KCNH8: variants seen among roughly 807,000 people sequenced by gnomAD.
KCNH8 encodes the protein potassium voltage-gated channel subfamily H member 8, also known as voltage-gated delayed rectifier potassium channel KCNH8.
A neutral mutation model predicts 103.6 loss-of-function variants in KCNH8; 70 were observed. That is an observed-to-expected ratio of 0.68 (90% CI 0.56 to 0.82). KCNH8 has a LOEUF of 0.82. KCNH8 is among the 40% of genes least tolerant of loss of function. The pLI, the probability that KCNH8 is intolerant of heterozygous loss-of-function variation, is 0.00. For missense variants in KCNH8, 1,217 were observed against 1,329.9 expected, an observed-to-expected ratio of 0.92 and a Z score of 1.32; for synonymous variants, 498 against 489.4, an observed-to-expected ratio of 1.02 and a Z score of -0.23.
intron 3 of KCNH8, among the ~76,000 whole-genome samples, chr3:19,331,806 ACT>A (rs1341283166): frequency 1.3e-5 from 2 of 152,054 alleles, no homozygotes; most frequent in African/African-American, 4.8e-5. Context: ...GATTGTAATC[ACT>A]CTGTTGTGCT....
chr3:19,490,089 C>T (rs556423405), intron 11 of KCNH8, among the ~76,000 whole-genome samples: 16 of 152,346 alleles, frequency 1.1e-4, no homozygotes, highest in Non-Finnish European at 4.4e-5. Flanking sequence ...AATGCCTACC[C>T]GAGAGTGCTC....
In KCNH8 at chr3:19,323,138, G is replaced by A. The variant is rs536496077; in HGVS notation, c.443-19449G>A. ...ATTGGATTTTACCTTTCTTTGGTGC[G>A]TCCATGATTGGCTTAATAATTGGCT... On this transcript the variant is annotated intron_variant, in intron 3 of 15. Coordinates refer to ENST00000328405, the MANE Select transcript of KCNH8 (RefSeq NM_144633.3). Among the ~76,000 whole-genome samples the A allele has an allele frequency of 1.6e-4, 24 of 151,764 alleles. No individual in the cohort carries two copies. In the East Asian group the frequency reaches 2.9e-3, roughly 18 times the overall value.
At chr3:19,400,264 A>T (rs114034856) in intron 7 of KCNH8, among the ~76,000 whole-genome samples, 1 of 148,794 alleles carries the variant, frequency 6.7e-6, no homozygotes, top group African/African-American at 2.5e-5. Flanking sequence ...AAGCATCATA[A>T]TGTCAGACAG....
At chr3:19,365,269 G>C (rs1388377041) in intron 5 of KCNH8, among the ~76,000 whole-genome samples, 1 of 152,044 alleles carries the variant, frequency 6.6e-6, no homozygotes, top group African/African-American at 2.4e-5. Flanking sequence ...ACAAATGTCT[G>C]TCAATTACAG....
chr3:19,503,558 G>C (rs1441886335), intron 11 of KCNH8, among the ~76,000 whole-genome samples: 1 of 152,082 alleles, frequency 6.6e-6, no homozygotes, highest in Admixed American at 6.5e-5. Flanking sequence ...ACTGGATTAA[G>C]AAAATGTGGC....
At chr3:19,462,738 T>A (rs898492718) in intron 11 of KCNH8, among the ~76,000 whole-genome samples, 3 of 152,230 alleles carry the variant, frequency 2.0e-5, no homozygotes, top group Admixed American at 1.3e-4. Context: ...CTGAATGGTA[T>A]TCCCTAGGTT....
At chr3:19,195,129 A>G (rs993971721) in intron 1 of KCNH8, among the ~76,000 whole-genome samples, 1 of 151,766 alleles carries the variant, frequency 6.6e-6, no homozygotes, top group African/African-American at 2.4e-5. Flanking sequence ...GTATAGGAAC[A>G]CTTGAAAAAA....
chr3:19,169,925 C>T (rs2063324788), intron 1 of KCNH8, among the ~76,000 whole-genome samples: 1 of 151,998 alleles, frequency 6.6e-6, no homozygotes, highest in Admixed American at 6.5e-5. Flanking sequence ...AGATTACATT[C>T]AATACTTTGT....
At chr3:19,180,685 G>T (rs940978370) in intron 1 of KCNH8, among the ~76,000 whole-genome samples, 13 of 151,494 alleles carry the variant, frequency 8.6e-5, no homozygotes, top group East Asian at 3.9e-4. Flanking sequence ...GGTTTTTTTT[G>T]TTTGTTTGTT....
intron 4 of KCNH8, among the ~76,000 whole-genome samples, chr3:19,343,173 A>G (rs1358770264): frequency 6.6e-5 from 10 of 152,132 alleles, no homozygotes; most frequent in Admixed American, 6.6e-4. Context: ...TCCATTAAAA[A>G]ACTTACATTT....
At chr3:19,331,994 A>T (rs532432603) in intron 3 of KCNH8, among the ~76,000 whole-genome samples, 1 of 151,322 alleles carries the variant, frequency 6.6e-6, no homozygotes, top group Non-Finnish European at 1.5e-5. Context: ...GGTAGGAGAA[A>T]TTTTTTTAAG....
chr3:19,317,514 T>A (rs938487244), intron 3 of KCNH8, among the ~76,000 whole-genome samples: 1 of 151,914 alleles, frequency 6.6e-6, no homozygotes, highest in Non-Finnish European at 1.5e-5. Context: ...ACATGCTATT[T>A]AAACCTACTG....
At position 19,456,807 on chromosome 3, in the gene KCNH8, A is replaced by T. The variant is rs2067539753; in HGVS notation, c.1865A>T (p.Asp622Val). 6.2e-7 allele frequency: 1 copy of T among 1,611,774 alleles called. No individual in the cohort carries two copies. The highest frequency in any genetic ancestry group is 8.5e-7 in the Non-Finnish European group (1 of 1,178,376). Residue 622 changes from aspartate (D) to valine (V), a missense_variant, in exon 11 of 16, where the codon GAC (aspartate) becomes GTC (valine). By Grantham distance (152) the Asp-to-Val change is radical. Around this residue, in one of 3 missense-constraint regions of KCNH8, gnomAD observed 415 missense variants for 577.4 expected, o/e 0.72. Transcript: ENST00000328405. ...ATTGGAGCAAATCTATCAATTAAGGACCAAGTGATCAAGACCAATGCAGAT... is the reference window on the plus strand; with the variant it reads ...ATTGGAGCAAATCTATCAATTAAGGTCCAAGTGATCAAGACCAATGCAGAT... Reference protein sequence around the residue: ...DLIGANLSIKDQVIKTNADVK... With the variant: ...DLIGANLSIKVQVIKTNADVK...
intron 3 of KCNH8, among the ~76,000 whole-genome samples, chr3:19,281,892 T>A (rs1033326989): frequency 6.6e-6 from 1 of 152,140 alleles, no homozygotes; most frequent in African/African-American, 2.4e-5. Flanking sequence ...GTCTGAGAAT[T>A]TGTGTTGTTT....
intron 1 of KCNH8, among the ~76,000 whole-genome samples, chr3:19,213,819 T>C (rs1423339994): frequency 6.6e-6 from 1 of 152,190 alleles, no homozygotes; most frequent in Non-Finnish European, 1.5e-5. Flanking sequence ...TTTTTCAGAA[T>C]GGTCCTGGTA....
intron 5 of KCNH8, among the ~76,000 whole-genome samples, chr3:19,382,582 T>C (rs879267278): frequency 3.9e-5 from 6 of 152,166 alleles, no homozygotes; most frequent in Admixed American, 6.5e-5. Flanking sequence ...AATAATACTA[T>C]TAATATGTGA....
chr3:19,220,263 A>T (rs2063859461), intron 1 of KCNH8, among the ~76,000 whole-genome samples: 1 of 152,186 alleles, frequency 6.6e-6, no homozygotes, highest in Non-Finnish European at 1.5e-5. Context: ...ACCCCAGCTG[A>T]AGTACAGTCT....
intron 3 of KCNH8, among the ~76,000 whole-genome samples, chr3:19,315,554 G>A (rs1004079891): frequency 6.6e-6 from 1 of 151,918 alleles, no homozygotes; most frequent in East Asian, 1.9e-4. Context: ...TTGACCTTCA[G>A]ACATCATTTG....
chr3:19,299,106 C>T (rs1263004920), intron 3 of KCNH8, among the ~76,000 whole-genome samples: 1 of 151,874 alleles, frequency 6.6e-6, no homozygotes, highest in African/African-American at 2.4e-5. Context: ...GACAGTGTCC[C>T]TTGGTGTAGG....
Sources: gnomAD v4.1 joint callset for allele counts (sites outside exome capture counted in the v4.1 genomes callset) on GRCh38, gnomAD v4.1.1 for gene constraint, gnomAD v4.1.1 regional missense constraint, MANE v1.5 for transcripts, NCBI Gene and HGNC (gene_info 2026-07-23, HGNC 2026-07-21) for gene names.